The following LAMA2 variants were observed in gnomAD, a reference collection of about 807,000 sequenced individuals.
The protein encoded by LAMA2 is laminin subunit alpha-2.
Under a neutral mutation model 364.8 loss-of-function variants are expected in LAMA2, and 269 were observed. That is an observed-to-expected ratio of 0.74 (90% CI 0.67 to 0.82). The LOEUF (loss-of-function observed/expected upper bound fraction) is 0.82, where lower values mean the gene tolerates loss of function less well. Ranked by LOEUF, LAMA2 falls within the 40% of genes least tolerant of loss-of-function variation. The pLI, the probability that LAMA2 is intolerant of heterozygous loss-of-function variation, is 0.00. For missense variants in LAMA2, 3,807 were observed against 3,873.2 expected (o/e 0.98, Z 0.45); for synonymous variants, 1,379 against 1,370.6 (o/e 1.01, Z -0.14).
chr6:128,984,375 A>C (rs796997472), intron 1 of LAMA2, among the ~76,000 whole-genome samples: 2 of 152,158 alleles, frequency 1.3e-5, no homozygotes, highest in African/African-American at 4.8e-5. Context: ...AGATGTTTGC[A>C]AACTTACCTC....
intron 1 of LAMA2, among the ~76,000 whole-genome samples, chr6:128,932,202 A>G (rs1779527118): frequency 6.6e-6 from 1 of 152,218 alleles, no homozygotes; most frequent in Non-Finnish European, 1.5e-5. Context: ...TTGTGAGGAG[A>G]ATATTGCCCT....
chr6:129,396,833 C>T (rs1314898252), intron 37 of LAMA2, among the ~76,000 whole-genome samples: 6 of 151,612 alleles, frequency 4.0e-5, no homozygotes, highest in African/African-American at 1.2e-4. Context: ...AAAAATTAGT[C>T]GGGCATGGTG....
At chr6:129,128,512 G>A (rs1325765304) in intron 4 of LAMA2, among the ~76,000 whole-genome samples, 1 of 152,128 alleles carries the variant, frequency 6.6e-6, no homozygotes. Context: ...TTTTAAAATT[G>A]TTTTTTCTAT....
At chr6:129,223,978 C>A (rs1293012034) in intron 12 of LAMA2, among the ~76,000 whole-genome samples, 4 of 152,164 alleles carry the variant, frequency 2.6e-5, no homozygotes, top group Non-Finnish European at 2.9e-5. Flanking sequence ...TATCCATAAG[C>A]ATGGAATGTT....
chr6:128,993,448 T>C (rs1372955866), intron 1 of LAMA2, among the ~76,000 whole-genome samples: 1 of 152,232 alleles, frequency 6.6e-6, no homozygotes, highest in Non-Finnish European at 1.5e-5. Context: ...ACATATTATA[T>C]TGAGAGTGTA....
intron 20 of LAMA2, among the ~76,000 whole-genome samples, chr6:129,293,584 C>A (rs553739037): frequency 6.6e-6 from 1 of 152,202 alleles, no homozygotes; most frequent in East Asian, 1.9e-4. Context: ...GACAAATACC[C>A]AAAACGGGGA....
At chr6:129,317,374 A>G (rs1366695794) in intron 27 of LAMA2, among the ~76,000 whole-genome samples, 1 of 152,206 alleles carries the variant, frequency 6.6e-6, no homozygotes, top group Non-Finnish European at 1.5e-5. Flanking sequence ...TGGCCAACTA[A>G]TGAATATAAA....
At chr6:128,948,935 A>C (rs1374103684) in intron 1 of LAMA2, among the ~76,000 whole-genome samples, 2 of 152,156 alleles carry the variant, frequency 1.3e-5, no homozygotes, top group East Asian at 3.9e-4. Flanking sequence ...TCTTTTCTTT[A>C]TAAATTACCC....
At chr6:129,467,835 G>A (rs1783622625) in intron 51 of LAMA2, among the ~76,000 whole-genome samples, 1 of 151,896 alleles carries the variant, frequency 6.6e-6, no homozygotes, top group Non-Finnish European at 1.5e-5. Context: ...TAGGTTTACT[G>A]TAACTACAGC....
intron 43 of LAMA2, among the ~76,000 whole-genome samples, chr6:129,441,920 C>T (rs879322871): frequency 6.6e-6 from 1 of 151,834 alleles, no homozygotes; most frequent in Non-Finnish European, 1.5e-5. Flanking sequence ...AAGGGTGAGG[C>T]TGCAGTGAGC....
chr6:129,155,237 C>T (rs999876215), intron 8 of LAMA2, among the ~76,000 whole-genome samples: 1 of 151,888 alleles, frequency 6.6e-6, no homozygotes, highest in South Asian at 2.1e-4. Context: ...TTTTATTTAC[C>T]TTGTGTAAAT....
intron 3 of LAMA2, among the ~76,000 whole-genome samples, chr6:129,074,140 C>T (rs1409437086): frequency 6.6e-6 from 1 of 152,186 alleles, no homozygotes; most frequent in Non-Finnish European, 1.5e-5. Flanking sequence ...ACACTCTTTC[C>T]TTCTTGGCTG....
At chr6:129,334,581 A>G (rs938808027) in intron 29 of LAMA2, among the ~76,000 whole-genome samples, 2 of 152,230 alleles carry the variant, frequency 1.3e-5, no homozygotes, top group African/African-American at 4.8e-5. Flanking sequence ...ATTCATGTCT[A>G]GCGCTATGCT....
intron 1 of LAMA2, among the ~76,000 whole-genome samples, chr6:128,956,213 G>A (rs1430652854): frequency 6.6e-6 from 1 of 151,900 alleles, no homozygotes; most frequent in Non-Finnish European, 1.5e-5. Context: ...ATTAAAGGAA[G>A]CATATGATAC....
intron 40 of LAMA2, among the ~76,000 whole-genome samples, chr6:129,408,825 G>T (rs1008107855): frequency 6.6e-6 from 1 of 152,188 alleles, no homozygotes; most frequent in Non-Finnish European, 1.5e-5. Flanking sequence ...TGACAGGGTG[G>T]CTGGGGAAAG....
intron 29 of LAMA2, among the ~76,000 whole-genome samples, chr6:129,335,815 A>G (rs1775925692): frequency 1.3e-5 from 2 of 152,224 alleles, no homozygotes; most frequent in Admixed American, 6.5e-5. Flanking sequence ...AAAAAGTATT[A>G]GAAGCAGGTT....
At chr6:129,183,699 A>G (rs1469669405) in intron 10 of LAMA2, among the ~76,000 whole-genome samples, 1 of 151,852 alleles carries the variant, frequency 6.6e-6, no homozygotes, top group Admixed American at 6.6e-5. Context: ...CTTAACTTCA[A>G]CTTTCTCAGG....
At chr6:128,979,790 A>G (rs1312138618) in intron 1 of LAMA2, among the ~76,000 whole-genome samples, 2 of 152,366 alleles carry the variant, frequency 1.3e-5, no homozygotes, top group African/African-American at 4.8e-5. Context: ...GCAAAGCTTA[A>G]CAGACTAAGG....
At chr6:129,090,435 CAG>C (rs1774747615) in intron 3 of LAMA2, among the ~76,000 whole-genome samples, 1 of 152,308 alleles carries the variant, frequency 6.6e-6, no homozygotes, top group Non-Finnish European at 1.5e-5. Flanking sequence ...AATATTTACT[CAG>C]TATTCAAATT....
Sources: allele counts gnomAD v4.1 joint callset (sites outside exome capture counted in the v4.1 genomes callset), GRCh38; gene constraint gnomAD v4.1.1; transcripts MANE v1.5; gene names NCBI Gene and HGNC (gene_info 2026-07-23, HGNC 2026-07-21).